SULT2A1: variants seen among roughly 807,000 people sequenced by gnomAD.
SULT2A1 encodes the protein sulfotransferase family 2A member 1.
In SULT2A1, 43 loss-of-function variants were observed where a neutral mutation model predicts 33.9. The ratio of observed to expected loss-of-function variants is 1.27; its 90% CI spans 1.00 to 1.64. SULT2A1 has a LOEUF of 1.64. Among genes scored for constraint, SULT2A1 ranks in the 40% most tolerant of loss-of-function variants. The probability of loss-of-function intolerance (pLI) is 0.00; values close to 1 mark genes in which losing one functional copy is unlikely to be tolerated. For missense variants in SULT2A1, 300 were observed against 335.1 expected (o/e 0.90, Z 0.82); for synonymous variants, 125 against 113.6 (o/e 1.10, Z -0.64).
chr19:47,879,597 C>T (rs1968582024), intron 3 of SULT2A1, among the ~76,000 whole-genome samples: 1 of 151,944 alleles, frequency 6.6e-6, no homozygotes, highest in Non-Finnish European at 1.5e-5. Context: ...TACAATGCAG[C>T]CATGAAAAAG....
At chr19:47,882,884 C>T (rs1345880545) in intron 2 of SULT2A1, among the ~76,000 whole-genome samples, 1 of 151,994 alleles carries the variant, frequency 6.6e-6, no homozygotes, top group African/African-American at 2.4e-5. Context: ...CCAATGCACT[C>T]CAGCCTGGGT....
Position 47,874,802 on chromosome 19 carries a change from T to A in SULT2A1, c.600A>T (p.Gln200His), listed in dbSNP as rs1276841213. The change falls in exon 5 of 6, where the codon CAA (glutamine) becomes CAT (histidine). Residue 200 changes from glutamine (Q) to histidine (H), a missense_variant. Physicochemically the swap from Gln to His is conservative, Grantham distance 24 (BLOSUM62 0). Coordinates refer to ENST00000222002, the MANE Select transcript of SULT2A1 (RefSeq NM_003167.4). ...DTGRTIEKIC[Q>H]FLGKTLEPEE... ...CGGGTTCTAACGTCTTTCCCAGGAA[T>A]TGACAGATCTTCTCTATGGTTCTTC... 2.5e-6 allele frequency: 4 copies of A among 1,614,080 alleles called. No homozygotes were observed. Among genetic ancestry groups the A allele is most frequent in the Middle Eastern group, 1.6e-4 (1 of 6,062 alleles).
At chr19:47,878,829 T>C (rs953228383) in intron 4 of SULT2A1, among the ~76,000 whole-genome samples, 4 of 151,948 alleles carry the variant, frequency 2.6e-5, no homozygotes, top group African/African-American at 7.3e-5. Context: ...TGTTTTAAGA[T>C]AAAATAAGGA....
At chr19:47,878,867 G>C (rs1968574302) in intron 4 of SULT2A1, among the ~76,000 whole-genome samples, 169 bp downstream of exon 4, 1 of 152,120 alleles carries the variant, frequency 6.6e-6, no homozygotes, top group South Asian at 2.1e-4. Context: ...GGGTCAACCA[G>C]AAACAGGGCA....
At chr19:47,882,664 C>T (rs1463935985) in intron 2 of SULT2A1, among the ~76,000 whole-genome samples, 1 of 152,164 alleles carries the variant, frequency 6.6e-6, no homozygotes, top group African/African-American at 2.4e-5. Context: ...TGGCTCATGC[C>T]TGTAATCCTA....
chr19:47,873,004 C>G (rs1191737006), intron 5 of SULT2A1, among the ~76,000 whole-genome samples: 1 of 152,094 alleles, frequency 6.6e-6, no homozygotes, highest in African/African-American at 2.4e-5. Context: ...TCAAGTGATA[C>G]ACTTGCCTTG....
intron 2 of SULT2A1, among the ~76,000 whole-genome samples, chr19:47,882,643 G>A (rs1161639354): frequency 6.6e-6 from 1 of 152,110 alleles, no homozygotes; most frequent in Non-Finnish European, 1.5e-5. Flanking sequence ...TGTCCTTTGG[G>A]CCAGGCATGG....
intron 3 of SULT2A1, 86 bp downstream of exon 3, chr19:47,881,998 T>C: frequency 6.4e-7 from 1 of 1,561,374 alleles, no homozygotes. Context: ...ACCCATGGGT[T>C]GGTGAGATGT....
chr19:47,874,513 C>G, intron 5 of SULT2A1, 144 bp downstream of exon 5: 1 of 648,552 alleles, frequency 1.5e-6, no homozygotes, highest in South Asian at 2.3e-5. Context: ...GCACTCCAGC[C>G]TGGGTGATAG....
intron 4 of SULT2A1, 22 bp from the exon 5 acceptor site, chr19:47,874,856 A>T (rs1303198967): frequency 1.2e-6 from 2 of 1,608,934 alleles, no homozygotes; most frequent in Non-Finnish European, 1.7e-6. Context: ...AAATCAAGAG[A>T]GAGGATACGA....
At chr19:47,885,842 G>A (rs1968651023) in intron 1 of SULT2A1, among the ~76,000 whole-genome samples, 1 of 152,026 alleles carries the variant, frequency 6.6e-6, no homozygotes, top group Admixed American at 6.6e-5. Context: ...GTCATCCTCA[G>A]CCATCCTCCC....
chr19:47,885,071 A>G (rs1307169596), intron 1 of SULT2A1, among the ~76,000 whole-genome samples: 1 of 152,102 alleles, frequency 6.6e-6, no homozygotes, highest in African/African-American at 2.4e-5. Flanking sequence ...TTGACCTCCC[A>G]AAGTGCTGGG....
At chr19:47,880,254 A>AAC (rs1007164488) in intron 3 of SULT2A1, among the ~76,000 whole-genome samples, 3 of 150,586 alleles carry the variant, frequency 2.0e-5, no homozygotes, top group African/African-American at 7.3e-5. Flanking sequence ...AAAAAAAAAA[A>AAC]AAAACCTGAA....
intron 3 of SULT2A1, 107 bp downstream of exon 3, chr19:47,881,977 G>A (rs1968608582): frequency 2.0e-6 from 3 of 1,466,088 alleles, no homozygotes; most frequent in Non-Finnish European, 2.8e-6. Flanking sequence ...CAGGGGTGGT[G>A]GAGCCTTTCA....
intron 2 of SULT2A1, 132 bp downstream of exon 2, chr19:47,883,445 A>G (rs1968621383): frequency 2.3e-6 from 2 of 881,324 alleles, no homozygotes; most frequent in African/African-American, 3.3e-5. Flanking sequence ...GTCACCTAAT[A>G]CGGAATCTCA....
intron 4 of SULT2A1, among the ~76,000 whole-genome samples, chr19:47,876,499 G>T (rs1167148762): frequency 1.3e-5 from 2 of 152,102 alleles, no homozygotes; most frequent in South Asian, 2.1e-4. Flanking sequence ...TCCCAGGAAG[G>T]TATGGGATCG....
At chr19:47,878,669 A>C (rs1282471669) in intron 4 of SULT2A1, among the ~76,000 whole-genome samples, 2 of 151,852 alleles carry the variant, frequency 1.3e-5, no homozygotes, top group African/African-American at 4.8e-5. Context: ...GGCGCTCGCC[A>C]CTGCACCCGG....
chr19:47,874,971 G>C, intron 4 of SULT2A1, 137 bp from the exon 5 acceptor site: 1 of 672,270 alleles, frequency 1.5e-6, no homozygotes, highest in East Asian at 2.8e-5. Flanking sequence ...AGACTAGCCT[G>C]GCCAACGTGG....
rs577204217 is a variant in SULT2A1, at chr19:47,873,709, C to T, written c.745+948G>A. Among the ~76,000 whole-genome samples, 60 of 149,352 alleles carry T rather than the reference C, an allele frequency of 4.0e-4. 2 individuals carry two copies. The highest frequency in any genetic ancestry group is 6.7e-4 in the Non-Finnish European group (45 of 67,530). On this transcript the variant is annotated intron_variant, in intron 5 of 5. Transcript: ENST00000222002. ...CACGATCTTGGCTCACTGCAAGCTC[C>T]GCCTCCTGGGTTCACACCATTCTCC...
Sources: allele counts gnomAD v4.1 joint callset (sites outside exome capture counted in the v4.1 genomes callset), GRCh38; gene constraint gnomAD v4.1.1; transcripts MANE v1.5; gene names NCBI Gene and HGNC (gene_info 2026-07-23, HGNC 2026-07-21).